The following MYH10 variants were observed in gnomAD, a reference collection of about 807,000 sequenced individuals.
The protein encoded by MYH10 is myosin heavy chain 10, also known as myosin-10.
In MYH10, 55 loss-of-function variants were observed where a neutral mutation model predicts 257.8. That is an observed-to-expected ratio of 0.21 (90% CI 0.17 to 0.27). The LOEUF (loss-of-function observed/expected upper bound fraction) is 0.27, where lower values mean the gene tolerates loss of function less well. MYH10 is among the 10% of genes least tolerant of loss of function. The pLI is 1.00. For missense variants in MYH10, 1,631 were observed against 2,500.6 expected (o/e 0.65, Z 7.42); for synonymous variants, 854 against 921.7 (o/e 0.93, Z 1.33).
At chr17:8,478,131 C>A (rs1235137008) in intron 41 of MYH10, among the ~76,000 whole-genome samples, 2 of 152,174 alleles carry the variant, frequency 1.3e-5, no homozygotes, top group Admixed American at 1.3e-4. Flanking sequence ...CAGTCCAGGC[C>A]TCACTGAACT....
chr17:8,475,715 C>G lies in MYH10; in HGVS notation c.*89G>C. The G allele has an allele frequency of 6.8e-7, 1 of 1,464,924 alleles. No individual in the cohort carries two copies. The allele number at this position is 1,464,924 out of a possible 1,614,324, so 90.7% of individuals were successfully genotyped here. On this transcript the variant is annotated 3_prime_UTR_variant, in exon 43 of 43. Transcript: ENST00000360416. ...CAGTTGATCTTTCAGGAAGGAATCCCGTAGCTTGCCAATTTCCGAAATCTG... is the reference window on the plus strand; with the variant it reads ...CAGTTGATCTTTCAGGAAGGAATCCGGTAGCTTGCCAATTTCCGAAATCTG...
At chr17:8,555,093 ACT>A (rs1476790214) in intron 7 of MYH10, among the ~76,000 whole-genome samples, 1 of 152,064 alleles carries the variant, frequency 6.6e-6, no homozygotes, top group Non-Finnish European at 1.5e-5. Context: ...ACAGAGTGAG[ACT>A]CTGTCTCAAA....
At chr17:8,609,902 T>TAA (rs113217780) in intron 2 of MYH10, among the ~76,000 whole-genome samples, 7 of 142,940 alleles carry the variant, frequency 4.9e-5, no homozygotes, top group Admixed American at 7.0e-5. Flanking sequence ...AAACACTCTG[T>TAA]AAAAAAAAAA....
chr17:8,618,750 C>T (rs2085357566), intron 2 of MYH10, among the ~76,000 whole-genome samples: 1 of 152,174 alleles, frequency 6.6e-6, no homozygotes, highest in Admixed American at 6.5e-5. Context: ...TGACATTTTA[C>T]TGTATGACAT....
At position 8,577,885 on chromosome 17, in the gene MYH10, G is replaced by A. The variant is rs920479947; in HGVS notation, c.531-547C>T. On this transcript the variant is annotated intron_variant, in intron 4 of 42. Transcript: ENST00000360416. ...TAAGAGGACACAGGAAAATGTTCAC[G>A]ACACTCTTTTTTCCCTTGGGGGTGG... Among the ~76,000 whole-genome samples the A allele has an allele frequency of 7.9e-5, 12 of 152,250 alleles. No homozygotes were observed. In the East Asian group the frequency reaches 1.9e-3, roughly 24 times the overall value.
chr17:8,609,448 A>G (rs2084942097), intron 2 of MYH10, among the ~76,000 whole-genome samples: 1 of 152,194 alleles, frequency 6.6e-6, no homozygotes, highest in South Asian at 2.1e-4. Context: ...AAACCTAAAT[A>G]ATAAGATCAT....
At chr17:8,485,979 A>G (rs1023052298) in intron 36 of MYH10, among the ~76,000 whole-genome samples, 1 of 152,224 alleles carries the variant, frequency 6.6e-6, no homozygotes, top group African/African-American at 2.4e-5. Flanking sequence ...CACACAGTAG[A>G]GTGTTACTCA....
chr17:8,573,739 T>G, intron 6 of MYH10: 1 of 642,856 alleles, frequency 1.6e-6, no homozygotes, highest in Non-Finnish European at 1.9e-6. Flanking sequence ...CAAAAGTTCA[T>G]AGATAAATGT....
At chr17:8,521,562 G>T (rs1373692281) in intron 17 of MYH10, 3 of 436,932 alleles carry the variant, frequency 6.9e-6, no homozygotes, top group Non-Finnish European at 1.2e-5. Context: ...CACTGTCTTG[G>T]ATAACATTCT....
intron 2 of MYH10, among the ~76,000 whole-genome samples, chr17:8,607,576 C>T (rs1226104999): frequency 6.6e-6 from 1 of 152,164 alleles, no homozygotes; most frequent in African/African-American, 2.4e-5. Context: ...AAAATTAGCA[C>T]AAGTATTGAG....
At chr17:8,564,528 C>T (rs968514567) in intron 7 of MYH10, among the ~76,000 whole-genome samples, 4 of 152,124 alleles carry the variant, frequency 2.6e-5, no homozygotes, top group Admixed American at 6.6e-5. Flanking sequence ...CTACCTTCCC[C>T]GAGCTCAACA....
chr17:8,487,673 G>T (rs957266206), intron 35 of MYH10, 79 bp from the exon 36 acceptor site: 6 of 1,543,684 alleles, frequency 3.9e-6, no homozygotes, highest in Non-Finnish European at 5.3e-6. Flanking sequence ...TCAAGTGGGG[G>T]GCTCTGGTTA....
At chr17:8,608,810 A>ATTTTTTTTTTTTTTTTTTT (rs531809094) in intron 2 of MYH10, among the ~76,000 whole-genome samples, 7 of 140,810 alleles carry the variant, frequency 5.0e-5, no homozygotes, top group African/African-American at 1.3e-4. Context: ...TGATTGGGAA[A>ATTTTTTTTTTTTTTTTTTT]TTTTTTTTTT....
At chr17:8,559,308 T>C (rs766995105) in intron 7 of MYH10, among the ~76,000 whole-genome samples, 5 of 152,216 alleles carry the variant, frequency 3.3e-5, no homozygotes, top group Non-Finnish European at 5.9e-5. Context: ...TGAAAACTTC[T>C]GATTTTTCAA....
intron 38 of MYH10, among the ~76,000 whole-genome samples, chr17:8,481,074 CCCCCT>C (rs2151776429): frequency 1.3e-5 from 1 of 77,690 alleles, no homozygotes; most frequent in African/African-American, 4.2e-5. Flanking sequence ...CCCACGGCTC[CCCCCT>C]GCGGTGTGCA....
intron 6 of MYH10, among the ~76,000 whole-genome samples, chr17:8,573,252 C>T (rs1057406136): frequency 3.9e-5 from 6 of 152,164 alleles, no homozygotes; most frequent in Non-Finnish European, 8.8e-5. Flanking sequence ...TCCAGTTCAG[C>T]CCGCAAGGGG....
chr17:8,626,617 T>TA, intron 1 of MYH10, among the ~76,000 whole-genome samples: 1 of 134,726 alleles, frequency 7.4e-6, no homozygotes, highest in Admixed American at 7.4e-5. Context: ...ATAAGTAAAA[T>TA]AAAAAATTTA....
chr17:8,545,681 T>C lies in MYH10; in HGVS notation c.1279-81A>G. On this transcript the variant is annotated intron_variant, in intron 12 of 42. Transcript: ENST00000360416. The surrounding 1 kb of genome is among the most constrained non-coding windows in gnomAD (Gnocchi z 4.7). ...ATAGCTGTTTTACGGAATTTAATGT[T>C]ATACAGCACTCAAAAAACCTGAGAT... The C allele has an allele frequency of 2.1e-6, 3 of 1,426,912 alleles. No homozygotes were observed. Among genetic ancestry groups the C allele is most frequent in the South Asian group, 2.7e-5 (2 of 74,632 alleles). 88.4% of individuals were successfully genotyped at this position (1,426,912 alleles called of 1,614,324 possible). A position where few individuals can be genotyped will look rare whatever the true frequency, so the allele number is the denominator to read the frequency against.
chr17:8,494,044 A>C, intron 31 of MYH10, 159 bp from the exon 32 acceptor site: 1 of 825,276 alleles, frequency 1.2e-6, no homozygotes, highest in Non-Finnish European at 1.8e-6. Context: ...CACACACGAT[A>C]ACTTTGTAAA....
Sources: allele counts gnomAD v4.1 joint callset (sites outside exome capture counted in the v4.1 genomes callset), GRCh38; gene constraint gnomAD v4.1.1; non-coding constraint Gnocchi (gnomAD v3.1); transcripts MANE v1.5; gene names NCBI Gene and HGNC (gene_info 2026-07-23, HGNC 2026-07-21).